AFF3: variants seen among roughly 807,000 people sequenced by gnomAD.
AFF3 encodes ALF transcription elongation factor 3.
Under a neutral mutation model 129.7 loss-of-function variants are expected in AFF3, and 32 were observed. The observed-to-expected ratio is 0.25, with a 90% CI of 0.19 to 0.33. AFF3 has a LOEUF of 0.33. Among genes scored for constraint, AFF3 ranks in the 10% least tolerant of loss-of-function variants. The pLI, the probability that AFF3 is intolerant of heterozygous loss-of-function variation, is 1.00. For synonymous variants in AFF3, 644 were observed against 635.4 expected, an observed-to-expected ratio of 1.01 and a Z score of -0.20; for missense variants, 1,373 against 1,592.0, an observed-to-expected ratio of 0.86 and a Z score of 2.34.
intron 4 of AFF3, among the ~76,000 whole-genome samples, chr2:100,067,041 G>C (rs548299219): frequency 6.6e-6 from 1 of 152,072 alleles, no homozygotes; most frequent in African/African-American, 2.4e-5. Flanking sequence ...TCAACTCCAG[G>C]GTTATGCCCT....
intron 12 of AFF3, among the ~76,000 whole-genome samples, chr2:99,650,245 T>C (rs1057455277): frequency 6.6e-6 from 1 of 152,160 alleles, no homozygotes; most frequent in East Asian, 1.9e-4. Flanking sequence ...TTATCTGCTG[T>C]TGGGATATGC....
intron 7 of AFF3, among the ~76,000 whole-genome samples, chr2:99,884,409 T>G (rs1026003443): frequency 3.3e-5 from 5 of 152,280 alleles, no homozygotes; most frequent in East Asian, 1.9e-4. Flanking sequence ...ATGTATGTAT[T>G]TATTTTTGAG....
At position 99,765,873 on chromosome 2, in the gene AFF3, C is replaced by T. The variant is rs145150982; in HGVS notation, c.922-13572G>A. On this transcript the variant is annotated intron_variant, in intron 8 of 24. Coordinates refer to ENST00000672756, the MANE Select transcript of AFF3 (RefSeq NM_001386135.1). ...AATAATTTGCTTCCTTAACTCCCTTCACCACTAAAGCAGCATGTCCATAAA... is the reference window on the plus strand; with the variant it reads ...AATAATTTGCTTCCTTAACTCCCTTTACCACTAAAGCAGCATGTCCATAAA... Among the ~76,000 whole-genome samples the T allele has an allele frequency of 6.0e-3, 917 of 152,316 alleles. 10 individuals are homozygous for T. The highest frequency in any genetic ancestry group is 0.031 in the Middle Eastern group (9 of 294).
At chr2:100,086,516 T>C (rs531554730) in intron 4 of AFF3, among the ~76,000 whole-genome samples, 26 of 152,244 alleles carry the variant, frequency 1.7e-4, no homozygotes, top group South Asian at 1.4e-3. Flanking sequence ...TGAGACTCCA[T>C]CTCAAAAAAG....
At chr2:99,783,309 A>G (rs1355724030) in intron 8 of AFF3, among the ~76,000 whole-genome samples, 1 of 152,168 alleles carries the variant, frequency 6.6e-6, no homozygotes, top group African/African-American at 2.4e-5. Context: ...GCTGTTGCAC[A>G]CCACCTCCTC....
chr2:99,676,291 T>C (rs1238137765), intron 11 of AFF3, among the ~76,000 whole-genome samples: 2 of 152,150 alleles, frequency 1.3e-5, no homozygotes, highest in Non-Finnish European at 2.9e-5. Flanking sequence ...GGGATGTCCG[T>C]CCGTAGCAGA....
intron 11 of AFF3, among the ~76,000 whole-genome samples, chr2:99,706,378 T>C (rs1677384654): frequency 3.3e-5 from 5 of 152,216 alleles, no homozygotes; most frequent in South Asian, 2.1e-4. Flanking sequence ...TTTTCTCCTA[T>C]TAAAACAGCA....
intron 4 of AFF3, among the ~76,000 whole-genome samples, chr2:100,036,843 A>AG (rs112337784): frequency 0.14 from 20,696 of 151,302 alleles, 1,693 homozygotes; most frequent in South Asian, 0.2. Flanking sequence ...AGAAAAAAAA[A>AG]AAAAGAAAAG....
chr2:99,898,332 C>A (rs1694115717), intron 7 of AFF3, among the ~76,000 whole-genome samples: 1 of 152,190 alleles, frequency 6.6e-6, no homozygotes, highest in East Asian at 1.9e-4. Context: ...TACCATCACT[C>A]AAGTCATAGA....
chr2:100,038,614 C>T (rs891253909), intron 4 of AFF3, among the ~76,000 whole-genome samples: 3 of 152,062 alleles, frequency 2.0e-5, no homozygotes, highest in Non-Finnish European at 4.4e-5. Flanking sequence ...CATGATGTTA[C>T]CTGTGACACA....
chr2:99,964,770 C>T (rs1266338991), intron 7 of AFF3, among the ~76,000 whole-genome samples: 1 of 152,128 alleles, frequency 6.6e-6, no homozygotes, highest in Non-Finnish European at 1.5e-5. Context: ...ATTCCTAGGA[C>T]ACAAGGGCAA....
At chr2:99,904,453 GC>G (rs549346384) in intron 7 of AFF3, among the ~76,000 whole-genome samples, 94 of 151,840 alleles carry the variant, frequency 6.2e-4, no homozygotes, top group African/African-American at 2.2e-3. Context: ...CTGCCTTGGG[GC>G]CCTTTTTGTC....
rs926881231 is a variant in AFF3, at chr2:100,142,524, C to T, written c.-268G>A. ...CCTTTTCTTTCTCTCCCCAGTAAGT[C>T]GTTGAACGTCTTTCTTCTGAGGCTG... is the stretch of plus-strand genomic sequence containing the variant. On this transcript the variant is annotated 5_prime_UTR_variant, in exon 1 of 25. Transcript: ENST00000672756. 6 of 152,368 alleles carry T rather than the reference C, an allele frequency of 3.9e-5. No homozygotes were observed. The highest frequency in any genetic ancestry group is 1.2e-4 in the African/African-American group (5 of 41,466). 9.4% of individuals were successfully genotyped at this position (152,368 alleles called of 1,614,324 possible).
At chr2:99,752,143 T>G (rs1311780176) in intron 9 of AFF3, 78 bp downstream of exon 9, 2 of 1,279,044 alleles carry the variant, frequency 1.6e-6, no homozygotes, top group Non-Finnish European at 2.3e-6. Flanking sequence ...GAAAAGACAA[T>G]CACGGGTAAA....
chr2:100,046,626 A>C (rs1685857022), intron 4 of AFF3, among the ~76,000 whole-genome samples: 1 of 152,240 alleles, frequency 6.6e-6, no homozygotes, highest in Admixed American at 6.5e-5. Flanking sequence ...AGGAGTAAAA[A>C]GTCACGTCAT....
intron 11 of AFF3, among the ~76,000 whole-genome samples, chr2:99,684,018 T>C (rs919073907): frequency 6.6e-6 from 1 of 152,166 alleles, no homozygotes; most frequent in African/African-American, 2.4e-5. Flanking sequence ...TCCTTCCAAA[T>C]TTATAGTCAC....
At chr2:99,920,220 T>G (rs1438837749) in intron 7 of AFF3, among the ~76,000 whole-genome samples, 1 of 152,042 alleles carries the variant, frequency 6.6e-6, no homozygotes, top group Non-Finnish European at 1.5e-5. Flanking sequence ...TGTAAAGTTA[T>G]TATAATCCTA....
At chr2:100,036,714 A>G (rs1273321803) in intron 4 of AFF3, among the ~76,000 whole-genome samples, 1 of 152,010 alleles carries the variant, frequency 6.6e-6, no homozygotes, top group African/African-American at 2.4e-5. Context: ...ATATATATAA[A>G]GAGCTCTTAC....
chr2:99,602,605 T>A (rs1299257452), intron 13 of AFF3, among the ~76,000 whole-genome samples: 1 of 152,216 alleles, frequency 6.6e-6, no homozygotes, highest in African/African-American at 2.4e-5. Flanking sequence ...CATACTGTGT[T>A]CTTTTGAGGT....
Sources: allele counts gnomAD v4.1 joint callset (sites outside exome capture counted in the v4.1 genomes callset), GRCh38; gene constraint gnomAD v4.1.1; transcripts MANE v1.5; gene names NCBI Gene and HGNC (gene_info 2026-07-23, HGNC 2026-07-21).